Variants in TMPRSS4 observed in about 807,000 individuals in gnomAD.
TMPRSS4 encodes transmembrane serine protease 4.
A neutral mutation model predicts 56.4 loss-of-function variants in TMPRSS4; 45 were observed. That is an observed-to-expected ratio of 0.80 (90% CI 0.63 to 1.02). TMPRSS4 has a LOEUF of 1.02. Among genes scored for constraint, TMPRSS4 ranks in the 50% least tolerant of loss-of-function variants. The pLI, the probability that TMPRSS4 is intolerant of heterozygous loss-of-function variation, is 0.00. For missense variants in TMPRSS4, 546 were observed against 556.7 expected (o/e 0.98, Z 0.19); for synonymous variants, 205 against 211.0 (o/e 0.97, Z 0.25).
chr11:118,088,880 G>A (rs144162158), intron 1 of TMPRSS4, among the ~76,000 whole-genome samples: 21 of 152,278 alleles, frequency 1.4e-4, no homozygotes, highest in African/African-American at 4.8e-4. Context: ...AATTCTATCC[G>A]ACCTCTGTTT....
At chr11:118,080,965 C>G (rs1385338214) in intron 1 of TMPRSS4, among the ~76,000 whole-genome samples, 1 of 152,234 alleles carries the variant, frequency 6.6e-6, no homozygotes, top group Non-Finnish European at 1.5e-5. Flanking sequence ...GTGCAATCAT[C>G]TACCACATTT....
intron 2 of TMPRSS4, chr11:118,095,078 A>C: frequency 1.7e-6 from 1 of 578,020 alleles, no homozygotes. Flanking sequence ...ACAAACCTAA[A>C]ATCCCCAAAG....
rs149423953 is a variant in TMPRSS4 at position 118,098,999 on chromosome 11, C to A, written c.58C>A (p.Arg20Ser). 57 of 1,613,420 alleles carry A rather than the reference C, an allele frequency of 3.5e-5. No individual in the cohort carries two copies. The South Asian group carries it at 5.9e-4, about 17-fold the overall frequency. Residue 20 changes from arginine to serine, a missense_variant, in exon 3 of 13, where the codon CGC (arginine) becomes AGC (serine). Transcript: ENST00000437212. ...TTTTCTTGCAGATGTCAAACCCCTG[C>A]GCAAACCCCGTATCCCCATGGAGAC... ...PLNSLDVKPL[R>S]KPRIPMETFR...
At chr11:118,114,288 C>G (rs1947429928) in intron 9 of TMPRSS4, among the ~76,000 whole-genome samples, 2 of 152,132 alleles carry the variant, frequency 1.3e-5, no homozygotes, top group African/African-American at 4.8e-5. Flanking sequence ...GGCAAGGTGA[C>G]AGATACAGAC....
At chr11:118,114,785 T>TA (rs1452518533) in intron 9 of TMPRSS4, 44 bp from the exon 10 acceptor site, 1 of 1,525,730 alleles carries the variant, frequency 6.6e-7, no homozygotes, top group East Asian at 2.4e-5. Context: ...AATTAACACT[T>TA]ATGATGAATA....
chr11:118,099,499 A>AAGAAAGAAAGACAGAC (rs1555085874), intron 3 of TMPRSS4, among the ~76,000 whole-genome samples: 1 of 151,804 alleles, frequency 6.6e-6, no homozygotes, highest in Non-Finnish European at 1.5e-5. Flanking sequence ...GAAAGAAAGA[A>AAGAAAGAAAGACAGAC]AGACATGTAT....
chr11:118,119,134 T>C lies in TMPRSS4; in HGVS notation c.*1221T>C. The C allele has an allele frequency of 3.0e-6, 3 of 985,034 alleles. No individual in the cohort carries two copies. Among genetic ancestry groups the C allele is most frequent in the South Asian group, 4.7e-5 (1 of 21,256 alleles). 61.0% of individuals were successfully genotyped at this position (985,034 alleles called of 1,614,324 possible). On this transcript the variant is annotated 3_prime_UTR_variant, in exon 13 of 13. Transcript: ENST00000437212. ...CCTCAAATGCCAAAAACAAAGAAAA[T>C]AGAAACCCAGAAAACAAAACAAAAT... is the stretch of plus-strand genomic sequence containing the variant.
rs951903043 is a variant in TMPRSS4 at position 118,121,394 on chromosome 11, T to C, written c.*3481T>C. 1 of 152,206 alleles carries C rather than the reference T, an allele frequency of 6.6e-6. No homozygotes were observed. Among genetic ancestry groups the C allele is most frequent in the African/African-American group, 2.4e-5 (1 of 41,418 alleles). 9.4% of individuals were successfully genotyped at this position (152,206 alleles called of 1,614,324 possible). ...CTTATTTTGAGACTGAGTCTTGCCC[T>C]GTCACCCAGACTGGAGTGCAGTGGC... On this transcript the variant is annotated 3_prime_UTR_variant, in exon 13 of 13. Transcript: ENST00000437212.
downstream of TMPRSS4, among the ~76,000 whole-genome samples, chr11:118,124,012 T>C (rs1947846757): frequency 6.6e-6 from 1 of 152,168 alleles, no homozygotes; most frequent in Non-Finnish European, 1.5e-5. Context: ...ATGATATAGT[T>C]AAGTAAGAAA....
At chr11:118,081,730 T>C (rs1945155326) in intron 1 of TMPRSS4, among the ~76,000 whole-genome samples, 1 of 151,362 alleles carries the variant, frequency 6.6e-6, no homozygotes, top group South Asian at 2.1e-4. Flanking sequence ...GCTGTCTCAG[T>C]TTCTTCCTCT....
At chr11:118,090,944 C>T (rs971066564) in intron 1 of TMPRSS4, among the ~76,000 whole-genome samples, 4 of 152,010 alleles carry the variant, frequency 2.6e-5, no homozygotes, top group Admixed American at 6.6e-5. Context: ...AGCACTATTC[C>T]GGGTCCATCA....
intron 1 of TMPRSS4, among the ~76,000 whole-genome samples, chr11:118,091,320 C>T (rs2135311945): frequency 6.6e-6 from 1 of 152,304 alleles, no homozygotes; most frequent in Middle Eastern, 3.4e-3. Flanking sequence ...TTCCTTCCCA[C>T]TTGGCTCCTT....
chr11:118,082,601 G>A (rs990651770), intron 1 of TMPRSS4, among the ~76,000 whole-genome samples: 1 of 151,792 alleles, frequency 6.6e-6, no homozygotes, highest in Non-Finnish European at 1.5e-5. Flanking sequence ...GCTCAAAGAG[G>A]TTCATGACTT....
chr11:118,082,422 G>C (rs376440406), intron 1 of TMPRSS4, among the ~76,000 whole-genome samples: 6 of 152,032 alleles, frequency 3.9e-5, no homozygotes, highest in African/African-American at 1.5e-4. Flanking sequence ...TTAGCCGAGC[G>C]CAGTAGCTCA....
At chr11:118,098,024 C>A (rs1314217271) in intron 2 of TMPRSS4, among the ~76,000 whole-genome samples, 2 of 152,230 alleles carry the variant, frequency 1.3e-5, no homozygotes, top group Admixed American at 1.3e-4. Context: ...CCCACCTCGG[C>A]CTCCCAAAGT....
At chr11:118,107,720 T>G in intron 5 of TMPRSS4, 54 bp from the exon 6 acceptor site, 5 of 1,514,454 alleles carry the variant, frequency 3.3e-6, no homozygotes, top group Non-Finnish European at 4.6e-6. Flanking sequence ...TCTACCATCT[T>G]GTTCTAACCC....
rs529739863 is a variant in TMPRSS4 at position 118,120,758 on chromosome 11, A to C, written c.*2845A>C. ...GAAGCCTAGAATGGTAAATTCTAAC[A>C]TATCCAGAATCCCAGAAAGAGAGAA... On this transcript the variant is annotated 3_prime_UTR_variant, in exon 13 of 13. Coordinates refer to ENST00000437212, the MANE Select transcript of TMPRSS4 (RefSeq NM_019894.4). The C allele has an allele frequency of 4.6e-5, 7 of 152,304 alleles. No individual in the cohort carries two copies. The highest frequency in any genetic ancestry group is 1.7e-4 in the African/African-American group (7 of 41,564). The allele number at this position is 152,304 out of a possible 1,614,324, so 9.4% of individuals were successfully genotyped here.
chr11:118,087,575 T>C (rs1410569362), intron 1 of TMPRSS4: 1 of 152,366 alleles, frequency 6.6e-6, no homozygotes, highest in Non-Finnish European at 1.5e-5. Context: ...TGAGAACTCA[T>C]ACTCTCCAGG....
chr11:118,106,547 C>G (rs1946999665), intron 5 of TMPRSS4: 1 of 151,332 alleles, frequency 6.6e-6, no homozygotes, highest in South Asian at 2.1e-4. Context: ...TGCAATGGCA[C>G]CATCTCTGCT....
Sources: allele counts gnomAD v4.1 joint callset (sites outside exome capture counted in the v4.1 genomes callset), GRCh38; gene constraint gnomAD v4.1.1; transcripts MANE v1.5; gene names NCBI Gene and HGNC (gene_info 2026-07-23, HGNC 2026-07-21).